PLCXD3: variants seen among roughly 807,000 people sequenced by gnomAD.
The protein encoded by PLCXD3 is PI-PLC X domain-containing protein 3.
In PLCXD3, 19 loss-of-function variants were observed where a neutral mutation model predicts 25.5. That is an observed-to-expected ratio of 0.75 (90% CI 0.52 to 1.09). The LOEUF is 1.09. Ranked by LOEUF, PLCXD3 falls within the 50% of genes least tolerant of loss-of-function variation. The probability of loss-of-function intolerance (pLI) is 0.00; values close to 1 mark genes in which losing one functional copy is unlikely to be tolerated. For synonymous variants in PLCXD3, 174 were observed against 137.6 expected, an observed-to-expected ratio of 1.26 and a Z score of -1.85; for missense variants, 411 against 388.1, an observed-to-expected ratio of 1.06 and a Z score of -0.50.
chr5:41,453,737 C>A (rs994834630), intron 1 of PLCXD3, among the ~76,000 whole-genome samples: 1 of 151,914 alleles, frequency 6.6e-6, no homozygotes, highest in Non-Finnish European at 1.5e-5. Flanking sequence ...TAGGGTTGTG[C>A]AAACTTAGAC....
chr5:41,370,596 A>G lies in PLCXD3; in HGVS notation c.812+11230T>C, dbSNP rs6859769. On this transcript the variant is annotated intron_variant, in intron 2 of 2. Coordinates refer to ENST00000377801, the MANE Select transcript of PLCXD3 (RefSeq NM_001005473.3). ...TTTTTTGGGGGAGAGGATTTGGCTTATATCACCTCACTCGACTAGCCATTT... is the reference window on the plus strand; with the variant it reads ...TTTTTTGGGGGAGAGGATTTGGCTTGTATCACCTCACTCGACTAGCCATTT... Among the ~76,000 whole-genome samples the G allele has an allele frequency of 4.0e-3, 610 of 152,262 alleles. 5 individuals are homozygous for G. Among genetic ancestry groups the G allele is most frequent in the African/African-American group, 0.014 (590 of 41,550 alleles).
At chr5:41,420,703 G>C (rs896288599) in intron 1 of PLCXD3, among the ~76,000 whole-genome samples, 1 of 152,120 alleles carries the variant, frequency 6.6e-6, no homozygotes, top group Admixed American at 6.5e-5. Flanking sequence ...ATTTATCTTT[G>C]CATGGCAGGA....
intron 1 of PLCXD3, among the ~76,000 whole-genome samples, chr5:41,505,353 A>G (rs1057467127): frequency 1.3e-5 from 2 of 152,174 alleles, no homozygotes; most frequent in Non-Finnish European, 2.9e-5. Context: ...CTTCAAATAA[A>G]TGAGATGTGA....
chr5:41,325,066 A>G (rs572697489), intron 2 of PLCXD3, among the ~76,000 whole-genome samples: 2 of 152,314 alleles, frequency 1.3e-5, no homozygotes, highest in East Asian at 1.9e-4. Context: ...ATTTAGAACA[A>G]CTAATTGTTA....
At chr5:41,411,835 TATATATATCTCCATATATATGTATCC>T (rs1179801491) in intron 1 of PLCXD3, among the ~76,000 whole-genome samples, 16 of 148,396 alleles carry the variant, frequency 1.1e-4, no homozygotes, top group African/African-American at 3.5e-4. Context: ...TTGATATCCA[TATATATATCTCCATATATATGTATCC>T]ATATATATAT....
At chr5:41,388,130 A>C (rs1745696239) in intron 1 of PLCXD3, among the ~76,000 whole-genome samples, 1 of 152,056 alleles carries the variant, frequency 6.6e-6, no homozygotes, top group South Asian at 2.1e-4. Flanking sequence ...GAAACTAAAA[A>C]AAAAAATACA....
chr5:41,404,016 A>C (rs1746280494), intron 1 of PLCXD3, among the ~76,000 whole-genome samples: 1 of 152,196 alleles, frequency 6.6e-6, no homozygotes, highest in Admixed American at 6.5e-5. Context: ...AAAGTGGTGC[A>C]TAGAGTCAGG....
intron 1 of PLCXD3, among the ~76,000 whole-genome samples, chr5:41,392,303 C>A (rs776737119): frequency 6.6e-6 from 1 of 152,100 alleles, no homozygotes; most frequent in African/African-American, 2.4e-5. Context: ...TCTGTCACTT[C>A]ACCCCCAGCT....
intron 1 of PLCXD3, among the ~76,000 whole-genome samples, chr5:41,401,349 G>T (rs1182264809): frequency 6.6e-6 from 1 of 151,956 alleles, no homozygotes; most frequent in Non-Finnish European, 1.5e-5. Flanking sequence ...ATTTATATCT[G>T]GGTCCACAAA....
chr5:41,351,958 A>G (rs986886165), intron 2 of PLCXD3, among the ~76,000 whole-genome samples: 6 of 152,186 alleles, frequency 3.9e-5, no homozygotes, highest in African/African-American at 1.4e-4. Context: ...AATAATTGCA[A>G]TGTTCTGGCA....
chr5:41,347,130 TAA>T (rs1561240333), intron 2 of PLCXD3, among the ~76,000 whole-genome samples: 1 of 152,208 alleles, frequency 6.6e-6, no homozygotes, highest in Admixed American at 6.5e-5. Context: ...CAGGAATGAA[TAA>T]GAGTTTCTGT....
At chr5:41,489,029 T>C (rs1462301933) in intron 1 of PLCXD3, among the ~76,000 whole-genome samples, 13 of 152,098 alleles carry the variant, frequency 8.5e-5, no homozygotes, top group East Asian at 7.7e-4. Flanking sequence ...AATGGTAATG[T>C]CTAGGTTTTC....
At chr5:41,367,950 A>G (rs1302519576) in intron 2 of PLCXD3, among the ~76,000 whole-genome samples, 3 of 152,092 alleles carry the variant, frequency 2.0e-5, no homozygotes, top group African/African-American at 7.2e-5. Context: ...AGATGGTTGT[A>G]GGTGTGCAGT....
chr5:41,438,591 T>C (rs1486738066), intron 1 of PLCXD3, among the ~76,000 whole-genome samples: 1 of 152,192 alleles, frequency 6.6e-6, no homozygotes, highest in Non-Finnish European at 1.5e-5. Context: ...TCTCTCCCTT[T>C]GCTGAGAGTT....
At chr5:41,364,123 T>G (rs1455515213) in intron 2 of PLCXD3, among the ~76,000 whole-genome samples, 1 of 151,892 alleles carries the variant, frequency 6.6e-6, no homozygotes, top group Non-Finnish European at 1.5e-5. Flanking sequence ...ACTGGAGACA[T>G]TTTTTTCAGT....
At chr5:41,342,902 T>A (rs926827826) in intron 2 of PLCXD3, among the ~76,000 whole-genome samples, 1 of 152,118 alleles carries the variant, frequency 6.6e-6, no homozygotes, top group African/African-American at 2.4e-5. Context: ...GGATAGGCCT[T>A]GTATCTAAGA....
intron 1 of PLCXD3, among the ~76,000 whole-genome samples, chr5:41,503,907 G>A (rs957577220): frequency 2.6e-5 from 4 of 152,018 alleles, no homozygotes; most frequent in South Asian, 2.1e-4. Flanking sequence ...CCTCACTGGT[G>A]GTAATAGTTA....
At chr5:41,339,402 T>G (rs1744074431) in intron 2 of PLCXD3, among the ~76,000 whole-genome samples, 1 of 152,114 alleles carries the variant, frequency 6.6e-6, no homozygotes, top group African/African-American at 2.4e-5. Flanking sequence ...AAGTCTCTTC[T>G]GGCTGGCTTT....
intron 1 of PLCXD3, among the ~76,000 whole-genome samples, chr5:41,399,080 A>C (rs1289623289): frequency 6.6e-6 from 1 of 152,198 alleles, no homozygotes; most frequent in Non-Finnish European, 1.5e-5. Flanking sequence ...AAAAGAAATA[A>C]AGTAATCCCA....
Sources: gnomAD v4.1 joint callset for allele counts (sites outside exome capture counted in the v4.1 genomes callset) on GRCh38, gnomAD v4.1.1 for gene constraint, MANE v1.5 for transcripts, NCBI Gene and HGNC (gene_info 2026-07-23, HGNC 2026-07-21) for gene names.